Variants in NRG3 observed in about 807,000 individuals in gnomAD.
NRG3 encodes the protein pro-neuregulin-3, membrane-bound isoform.
In NRG3, 31 loss-of-function variants were observed where a neutral mutation model predicts 66.9. The ratio of observed to expected loss-of-function variants is 0.46; its 90% confidence interval spans 0.35 to 0.63. The LOEUF (loss-of-function observed/expected upper bound fraction) is 0.63. NRG3 is among the 20% of genes least tolerant of loss of function. The pLI, the probability that NRG3 is intolerant of heterozygous loss-of-function variation, is 0.00. For missense variants in NRG3, 910 were observed against 878.9 expected, an observed-to-expected ratio of 1.04 and a Z score of -0.45; for synonymous variants, 393 against 359.4, an observed-to-expected ratio of 1.09 and a Z score of -1.06.
At chr10:82,578,584 G>T (rs1301938551) in intron 2 of NRG3, among the ~76,000 whole-genome samples, 1 of 151,556 alleles carries the variant, frequency 6.6e-6, no homozygotes, top group Non-Finnish European at 1.5e-5. Flanking sequence ...GCAAATGGAG[G>T]TTCTGAGAAT....
At chr10:82,958,903 G>A in intron 5 of NRG3, 46 bp from the exon 6 acceptor site, 1 of 1,498,048 alleles carries the variant, frequency 6.7e-7, no homozygotes. Context: ...AGTAGGAGTT[G>A]AATAAAGTCA....
At chr10:82,306,790 G>T (rs2080760643) in intron 1 of NRG3, among the ~76,000 whole-genome samples, 1 of 150,510 alleles carries the variant, frequency 6.6e-6, no homozygotes. Context: ...TTTTTGATGG[G>T]ACAGGGAAGG....
chr10:82,385,138 C>T (rs1433727517), intron 2 of NRG3, among the ~76,000 whole-genome samples: 2 of 152,038 alleles, frequency 1.3e-5, no homozygotes, highest in African/African-American at 4.8e-5. Flanking sequence ...CTGTTCATGT[C>T]CTTTGCCCAC....
chr10:82,970,978 T>G (rs2132557322), intron 6 of NRG3, among the ~76,000 whole-genome samples: 1 of 152,316 alleles, frequency 6.6e-6, no homozygotes, highest in East Asian at 1.9e-4. Flanking sequence ...ACAAGAAGCA[T>G]GGTGCCAACA....
chr10:82,111,393 A>T (rs2067379710), intron 1 of NRG3, among the ~76,000 whole-genome samples: 1 of 152,194 alleles, frequency 6.6e-6, no homozygotes, highest in African/African-American at 2.4e-5. Flanking sequence ...CATTATACAT[A>T]ATAAATATTC....
intron 2 of NRG3, among the ~76,000 whole-genome samples, chr10:82,719,423 T>G (rs2057165843): frequency 6.6e-6 from 1 of 152,214 alleles, no homozygotes; most frequent in Admixed American, 6.5e-5. Flanking sequence ...AGCCAGCTGA[T>G]CTGTAAACCT....
intron 1 of NRG3, among the ~76,000 whole-genome samples, chr10:82,096,415 G>T (rs2066346939): frequency 6.6e-6 from 1 of 152,094 alleles, no homozygotes; most frequent in African/African-American, 2.4e-5. Context: ...GGTAGAGGTT[G>T]CAGTGAGCCG....
intron 1 of NRG3, among the ~76,000 whole-genome samples, chr10:81,986,926 C>T (rs1258391896): frequency 1.3e-5 from 2 of 152,144 alleles, no homozygotes; most frequent in African/African-American, 2.4e-5. Flanking sequence ...AAGTAATCCT[C>T]CCACCTTGGC....
At chr10:82,118,051 A>G (rs898808406) in intron 1 of NRG3, among the ~76,000 whole-genome samples, 1 of 151,980 alleles carries the variant, frequency 6.6e-6, no homozygotes, top group African/African-American at 2.4e-5. Context: ...CATGCTCGCT[A>G]TTATTACTGT....
intron 2 of NRG3, among the ~76,000 whole-genome samples, chr10:82,381,219 A>ATT: frequency 6.6e-6 from 1 of 152,114 alleles, no homozygotes; most frequent in Non-Finnish European, 1.5e-5. Context: ...AGCATGTTTC[A>ATT]TTTTCTGACA....
intron 1 of NRG3, among the ~76,000 whole-genome samples, chr10:82,296,254 TA>T (rs2080054053): frequency 6.6e-6 from 1 of 152,174 alleles, no homozygotes; most frequent in Non-Finnish European, 1.5e-5. Flanking sequence ...TACTAATGTT[TA>T]AACTCGTCCC....
intron 3 of NRG3, among the ~76,000 whole-genome samples, chr10:82,778,939 G>A (rs562411808): frequency 6.6e-5 from 10 of 152,100 alleles, no homozygotes; most frequent in Non-Finnish European, 1.5e-4. Flanking sequence ...TGTTTCCCAA[G>A]GAGAAGGAGC....
At chr10:82,485,644 T>G (rs909189326) in intron 2 of NRG3, among the ~76,000 whole-genome samples, 4 of 151,804 alleles carry the variant, frequency 2.6e-5, no homozygotes, top group Non-Finnish European at 4.4e-5. Context: ...AAATTAAATA[T>G]TGGGAAAATG....
At chr10:82,808,429 T>C (rs1447819443) in intron 3 of NRG3, among the ~76,000 whole-genome samples, 1 of 152,180 alleles carries the variant, frequency 6.6e-6, no homozygotes, top group African/African-American at 2.4e-5. Flanking sequence ...TATTACAAAT[T>C]ACTTATAATT....
intron 1 of NRG3, among the ~76,000 whole-genome samples, chr10:81,937,328 T>C (rs1271322879): frequency 1.3e-5 from 2 of 152,152 alleles, no homozygotes; most frequent in Non-Finnish European, 2.9e-5. Context: ...GGTAATTTAT[T>C]TATTTTTTTT....
intron 2 of NRG3, among the ~76,000 whole-genome samples, chr10:82,515,213 T>C (rs1845545096): frequency 6.6e-6 from 1 of 152,066 alleles, no homozygotes; most frequent in Non-Finnish European, 1.5e-5. Context: ...AAACAAACAA[T>C]GTAACAGAAC....
intron 1 of NRG3, among the ~76,000 whole-genome samples, chr10:82,234,147 T>A (rs904347106): frequency 1.3e-5 from 2 of 152,132 alleles, no homozygotes; most frequent in Non-Finnish European, 2.9e-5. Context: ...CCAAATGCCT[T>A]CCTAGCATAA....
chr10:82,745,917 G>A (rs2058622832), intron 3 of NRG3, among the ~76,000 whole-genome samples: 1 of 152,006 alleles, frequency 6.6e-6, no homozygotes, highest in African/African-American at 2.4e-5. Context: ...TTAGAGGCAG[G>A]GTCTTGCTCT....
chr10:82,002,883 G>A (rs2061228969), intron 1 of NRG3, among the ~76,000 whole-genome samples: 1 of 152,144 alleles, frequency 6.6e-6, no homozygotes, highest in Non-Finnish European at 1.5e-5. Context: ...AGTGCTAAGT[G>A]CCAGGCATTA....
Sources: allele counts gnomAD v4.1 joint callset (sites outside exome capture counted in the v4.1 genomes callset), GRCh38; gene constraint gnomAD v4.1.1; transcripts MANE v1.5; gene names NCBI Gene and HGNC (gene_info 2026-07-23, HGNC 2026-07-21).